LDLRAD3: variants seen among roughly 807,000 people sequenced by gnomAD.
The protein encoded by LDLRAD3 is low-density lipoprotein receptor class A domain-containing protein 3.
A neutral mutation model predicts 29.4 loss-of-function variants in LDLRAD3; 20 were observed. The observed-to-expected ratio is 0.68, with a 90% CI of 0.48 to 0.99. The LOEUF is 0.99. Ranked by LOEUF, LDLRAD3 falls within the 50% of genes least tolerant of loss-of-function variation. The pLI is 0.00. For missense variants in LDLRAD3, 420 were observed against 454.3 expected (o/e 0.92, Z 0.69); for synonymous variants, 157 against 192.7 (o/e 0.81, Z 1.53).
At chr11:36,070,489 C>T (rs1176370077) in intron 2 of LDLRAD3, among the ~76,000 whole-genome samples, 2 of 152,162 alleles carry the variant, frequency 1.3e-5, no homozygotes, top group Non-Finnish European at 2.9e-5. Flanking sequence ...ACTCCTCTAT[C>T]TGGGGTGTAT....
intron 1 of LDLRAD3, among the ~76,000 whole-genome samples, chr11:36,012,781 G>A (rs893085643): frequency 6.6e-6 from 1 of 152,152 alleles, no homozygotes; most frequent in Non-Finnish European, 1.5e-5. Flanking sequence ...CATTGACTGA[G>A]GGTAACTGAA....
At chr11:35,992,412 A>G (rs764254815) in intron 1 of LDLRAD3, among the ~76,000 whole-genome samples, 1 of 152,236 alleles carries the variant, frequency 6.6e-6, no homozygotes, top group Non-Finnish European at 1.5e-5. Flanking sequence ...TCATAGCAGC[A>G]TTCATAATAG....
intron 1 of LDLRAD3, among the ~76,000 whole-genome samples, chr11:35,987,902 G>A (rs1247156592): frequency 1.3e-5 from 2 of 152,146 alleles, no homozygotes; most frequent in African/African-American, 2.4e-5. Context: ...TAAGCGTTCC[G>A]TTTGCTCCAC....
chr11:35,973,639 A>G (rs926079441), intron 1 of LDLRAD3, among the ~76,000 whole-genome samples: 1 of 145,308 alleles, frequency 6.9e-6, no homozygotes, highest in African/African-American at 2.5e-5. Flanking sequence ...TAATTTTTGT[A>G]TTTTTTTTTT....
intron 4 of LDLRAD3, among the ~76,000 whole-genome samples, chr11:36,117,330 C>G (rs1853689989): frequency 6.6e-6 from 1 of 152,108 alleles, no homozygotes. Flanking sequence ...TTGCAAAATT[C>G]TCACACTTGC....
rs1352161362 is a variant in LDLRAD3 at position 36,098,363 on chromosome 11, A to G, written c.356A>G (p.His119Arg). Residue 119 changes from histidine to arginine, a missense_variant, in exon 4 of 6, where the codon CAC (histidine) becomes CGC (arginine). This residue lies in a region of LDLRAD3 where 224 missense variants were observed against 222.2 expected (regional missense o/e 1.01). Transcript: ENST00000315571. Reference protein sequence around the residue: ...NPLLCSTARYHCKNGLCIDKS... With the variant: ...NPLLCSTARYRCKNGLCIDKS... ...CTGCTTTGCTCCACCGCCCGCTACCACTGCAAGAACGGCCTCTGTATTGAC... is the reference window on the plus strand; with the variant it reads ...CTGCTTTGCTCCACCGCCCGCTACCGCTGCAAGAACGGCCTCTGTATTGAC... The G allele has an allele frequency of 3.1e-6, 5 of 1,614,222 alleles. No homozygotes were observed. Among genetic ancestry groups the G allele is most frequent in the South Asian group, 1.1e-5 (1 of 91,084 alleles).
chr11:36,109,473 T>C (rs1258965400), intron 4 of LDLRAD3, among the ~76,000 whole-genome samples: 7 of 152,190 alleles, frequency 4.6e-5, no homozygotes, highest in Non-Finnish European at 8.8e-5. Flanking sequence ...GTTATCACCA[T>C]GGGGATACTA....
chr11:36,149,312 C>T (rs1056611122), intron 4 of LDLRAD3, among the ~76,000 whole-genome samples: 1 of 152,118 alleles, frequency 6.6e-6, no homozygotes, highest in Non-Finnish European at 1.5e-5. Flanking sequence ...CAGATAAAAT[C>T]TACAAAAGAA....
intron 4 of LDLRAD3, chr11:36,196,473 T>A (rs1855034780): frequency 6.6e-6 from 1 of 152,228 alleles, no homozygotes; most frequent in Non-Finnish European, 1.5e-5. Context: ...GTATTCAGTG[T>A]GGCACTAACA....
rs756902228 is a variant in LDLRAD3, at chr11:36,159,625, A to AAAAAAAAAAAAAAT, written c.454+61165_454+61166insAAAAAAAAAAAATA. Among the ~76,000 whole-genome samples, 5 of 132,942 alleles carry AAAAAAAAAAAAAAT rather than the reference A, an allele frequency of 3.8e-5. 1 individual carries two copies. The highest frequency in any genetic ancestry group is 3.2e-5 in the Non-Finnish European group (2 of 62,932). The allele number at this position is 132,942 out of a possible 152,430, so 87.2% of individuals were successfully genotyped here. On this transcript the variant is annotated intron_variant, in intron 4 of 5. Transcript: ENST00000315571. ...ACTAAAAAAAAAAAAAAAAAAAAAA[A>AAAAAAAAAAAAAAT]AGCCAGATGTGGTGACATGCTCCTG...
chr11:35,987,050 A>G (rs1851623837), intron 1 of LDLRAD3, among the ~76,000 whole-genome samples: 1 of 152,214 alleles, frequency 6.6e-6, no homozygotes, highest in Admixed American at 6.5e-5. Flanking sequence ...CTGTTTGAGT[A>G]TTCGTCTCAT....
At chr11:36,191,576 C>CTCTCTCTCTCTCTCTCTCTCTA (rs377747518) in intron 4 of LDLRAD3, among the ~76,000 whole-genome samples, 3 of 53,428 alleles carry the variant, frequency 5.6e-5, no homozygotes, top group African/African-American at 8.3e-5. Flanking sequence ...CTCTCTCTCT[C>CTCTCTCTCTCTCTCTCTCTCTA]TATATATATA....
chr11:36,026,507 G>A (rs1008261586), intron 1 of LDLRAD3, among the ~76,000 whole-genome samples: 2 of 152,160 alleles, frequency 1.3e-5, no homozygotes, highest in Non-Finnish European at 2.9e-5. Flanking sequence ...AAATGAGGCT[G>A]AGACCTACTG....
intron 4 of LDLRAD3, among the ~76,000 whole-genome samples, chr11:36,151,572 C>G (rs1854278434): frequency 6.6e-6 from 1 of 152,166 alleles, no homozygotes; most frequent in Non-Finnish European, 1.5e-5. Context: ...AGCCCATGGT[C>G]TTTCCATGGC....
Position 36,003,853 on chromosome 11 carries a change from G to A in LDLRAD3, c.47-32250G>A, listed in dbSNP as rs115319616. Among the ~76,000 whole-genome samples the A allele has an allele frequency of 5.7e-3, 866 of 152,302 alleles. 8 individuals are homozygous for A. The highest frequency in any genetic ancestry group is 0.02 in the African/African-American group (813 of 41,564). On this transcript the variant is annotated intron_variant, in intron 1 of 5. Coordinates refer to ENST00000315571, the MANE Select transcript of LDLRAD3 (RefSeq NM_174902.4). ...GAAGCTTACAATCATGGTGGAAGGC[G>A]AAGGGGAAGCAAGCACCTTATTCAC...
At chr11:36,144,342 G>A (rs1461438201) in intron 4 of LDLRAD3, among the ~76,000 whole-genome samples, 7 of 148,068 alleles carry the variant, frequency 4.7e-5, no homozygotes, top group Non-Finnish European at 6.0e-5. Flanking sequence ...GCCTCTGCCC[G>A]GCCGCCACCC....
At chr11:36,141,554 A>G (rs1854087077) in intron 4 of LDLRAD3, among the ~76,000 whole-genome samples, 1 of 151,896 alleles carries the variant, frequency 6.6e-6, no homozygotes, top group Non-Finnish European at 1.5e-5. Flanking sequence ...ACTTTAGTAC[A>G]TGCTTACTGG....
chr11:36,038,927 G>C (rs117721332), intron 2 of LDLRAD3, among the ~76,000 whole-genome samples: 4 of 151,430 alleles, frequency 2.6e-5, no homozygotes, highest in East Asian at 1.9e-4. Flanking sequence ...AGGAGAAAAA[G>C]TCCCTTTTCT....
chr11:36,229,137 C>G (rs1855538407), intron 5 of LDLRAD3, 23 bp from the exon 6 acceptor site: 2 of 1,519,630 alleles, frequency 1.3e-6, no homozygotes, highest in African/African-American at 2.7e-5. Flanking sequence ...ATTGCCCCTG[C>G]CCCCCTGCTG....
Sources: gnomAD v4.1 joint callset for allele counts (sites outside exome capture counted in the v4.1 genomes callset) on GRCh38, gnomAD v4.1.1 for gene constraint, gnomAD v4.1.1 regional missense constraint, MANE v1.5 for transcripts, NCBI Gene and HGNC (gene_info 2026-07-23, HGNC 2026-07-21) for gene names.